HACE1: variants seen among roughly 807,000 people sequenced by gnomAD.
HACE1 encodes the protein E3 ubiquitin-protein ligase HACE1.
HACE1 carries 73 observed loss-of-function variants against 118.4 expected under a neutral mutation model. The observed-to-expected ratio is 0.62, with a 90% CI of 0.51 to 0.75. The LOEUF (loss-of-function observed/expected upper bound fraction) is 0.75. Among genes scored for constraint, HACE1 ranks in the 30% least tolerant of loss-of-function variants. HACE1 has a pLI of 0.00. For missense variants in HACE1, 749 were observed against 1,102.2 expected (o/e 0.68, Z 4.54); for synonymous variants, 368 against 374.8 (o/e 0.98, Z 0.21).
chr6:104,783,250 C>T (rs1781934438), intron 14 of HACE1, among the ~76,000 whole-genome samples: 1 of 152,112 alleles, frequency 6.6e-6, no homozygotes, highest in Admixed American at 6.6e-5. Context: ...CTGAAATTTC[C>T]CCTGACTACA....
intron 7 of HACE1, among the ~76,000 whole-genome samples, chr6:104,797,872 C>T (rs987117240): frequency 7.9e-5 from 12 of 151,890 alleles, no homozygotes; most frequent in Admixed American, 2.0e-4. Flanking sequence ...AGTTCCAGAC[C>T]AGCCTGGCCA....
intron 20 of HACE1, among the ~76,000 whole-genome samples, chr6:104,746,466 G>C (rs1777433387): frequency 6.6e-6 from 1 of 152,304 alleles, no homozygotes; most frequent in Admixed American, 6.5e-5. Flanking sequence ...GGGAAACATA[G>C]GCAGTTAGTC....
chr6:104,758,441 G>T (rs1778961236), intron 19 of HACE1, among the ~76,000 whole-genome samples: 2 of 152,114 alleles, frequency 1.3e-5, no homozygotes, highest in African/African-American at 4.8e-5. Flanking sequence ...TTCATATCCA[G>T]CCAAACTAAG....
At chr6:104,794,286 A>C (rs6571207) in intron 10 of HACE1, among the ~76,000 whole-genome samples, 85,890 of 152,034 alleles carry the variant, frequency 0.56, 25,915 homozygotes, top group African/African-American at 0.8. Flanking sequence ...TAAATGCTTT[A>C]TAATTACTGT....
chr6:104,792,960 G>C (rs55659239), intron 10 of HACE1, among the ~76,000 whole-genome samples: 5,134 of 152,070 alleles, frequency 0.034, 270 homozygotes, highest in African/African-American at 0.12. Flanking sequence ...CTTCTTCCCC[G>C]GCCCCTTCCT....
At chr6:104,832,050 A>C (rs1398693587) in intron 6 of HACE1, among the ~76,000 whole-genome samples, 1 of 151,550 alleles carries the variant, frequency 6.6e-6, no homozygotes, top group Non-Finnish European at 1.5e-5. Context: ...AAGAAAAAGA[A>C]AGAAAAGAAA....
chr6:104,787,674 C>T (rs187857654), intron 11 of HACE1, among the ~76,000 whole-genome samples: 16 of 152,274 alleles, frequency 1.1e-4, no homozygotes, highest in Non-Finnish European at 1.6e-4. Flanking sequence ...AGAAATGACA[C>T]AGGCTGATCA....
At chr6:104,856,231 T>A (rs1460165784) in intron 1 of HACE1, among the ~76,000 whole-genome samples, 1 of 152,092 alleles carries the variant, frequency 6.6e-6, no homozygotes, top group Admixed American at 6.5e-5. Context: ...AAAACCCAAC[T>A]GTTAACAAAA....
At chr6:104,817,958 G>T (rs1772292657) in intron 6 of HACE1, among the ~76,000 whole-genome samples, 2 of 152,278 alleles carry the variant, frequency 1.3e-5, no homozygotes, top group South Asian at 4.1e-4. Flanking sequence ...TAAAGGAAAA[G>T]TTTAGAAAGT....
intron 2 of HACE1, 121 bp downstream of exon 2, chr6:104,852,196 T>C (rs1316740135): frequency 3.7e-6 from 2 of 544,696 alleles, no homozygotes; most frequent in Non-Finnish European, 6.7e-6. Context: ...ATGTCCAAAC[T>C]GTCTGTGTGT....
chr6:104,822,660 C>T (rs968329393), intron 6 of HACE1, among the ~76,000 whole-genome samples: 3 of 151,866 alleles, frequency 2.0e-5, no homozygotes, highest in African/African-American at 7.3e-5. Context: ...AGTTCAAGAC[C>T]AGCCTGGCCA....
chr6:104,731,741 T>C (rs1775221572), intron 22 of HACE1: 1 of 151,992 alleles, frequency 6.6e-6, no homozygotes, highest in Admixed American at 6.6e-5. Context: ...AAGACCTAAA[T>C]CTAAGAGCTA....
chr6:104,793,448 C>T (rs139624197), intron 10 of HACE1, among the ~76,000 whole-genome samples: 413 of 152,060 alleles, frequency 2.7e-3, no homozygotes, highest in Non-Finnish European at 4.0e-3. Flanking sequence ...ATAGAAAGGA[C>T]GATAAAATTT....
In HACE1 at chr6:104,728,530, CAAT is replaced by C. The variant is rs558525850; in HGVS notation, c.*1129_*1131del. 6 of 152,190 alleles carry C rather than the reference CAAT, an allele frequency of 3.9e-5. No homozygotes were observed. The highest frequency in any genetic ancestry group is 5.9e-5 in the Non-Finnish European group (4 of 68,022). The allele number at this position is 152,190 out of a possible 1,614,324, so 9.4% of individuals were successfully genotyped here. ...GTCTCTCAAACATTACTGGCAAACA[CAAT>C]GACTGCTTATGAGAAAATCTGCATA... On this transcript the variant is annotated 3_prime_UTR_variant, in exon 24 of 24. Coordinates refer to ENST00000262903, the MANE Select transcript of HACE1 (RefSeq NM_020771.4).
At chr6:104,761,656 A>G (rs1428176186) in intron 19 of HACE1, among the ~76,000 whole-genome samples, 2 of 152,236 alleles carry the variant, frequency 1.3e-5, no homozygotes, top group Admixed American at 1.3e-4. Flanking sequence ...TTCATGTCTA[A>G]AACACCAAAA....
Position 104,859,687 on chromosome 6 carries a change from G to A in HACE1, c.-45C>T. The A allele has an allele frequency of 6.7e-7, 1 of 1,495,504 alleles. No individual in the cohort carries two copies. Among genetic ancestry groups the A allele is most frequent in the Non-Finnish European group, 9.0e-7 (1 of 1,114,690 alleles). 92.6% of individuals were successfully genotyped at this position (1,495,504 alleles called of 1,614,324 possible). Reference sequence around the variant, plus strand: ...ATCCTCCGCGATCAGCCGCCCCACCGGCGGCCTCCGCGCCCAGAGCCCTAC... The same window carrying A: ...ATCCTCCGCGATCAGCCGCCCCACCAGCGGCCTCCGCGCCCAGAGCCCTAC... On this transcript the variant is annotated 5_prime_UTR_variant, in exon 1 of 24. Transcript: ENST00000262903.
At chr6:104,776,868 G>T (rs987764963) in intron 16 of HACE1, 40 bp from the exon 17 acceptor site, 1 of 1,451,358 alleles carries the variant, frequency 6.9e-7, no homozygotes, top group South Asian at 1.1e-5. Context: ...ACAGAAATAT[G>T]TTATATTGGG....
At chr6:104,846,390 A>G (rs1168117472) in intron 4 of HACE1, among the ~76,000 whole-genome samples, 1 of 152,216 alleles carries the variant, frequency 6.6e-6, no homozygotes, top group African/African-American at 2.4e-5. Context: ...TCCTTTTAAC[A>G]TTCTCATATA....
intron 19 of HACE1, among the ~76,000 whole-genome samples, chr6:104,760,563 T>G (rs1779233953): frequency 6.6e-6 from 1 of 152,134 alleles, no homozygotes; most frequent in Non-Finnish European, 1.5e-5. Flanking sequence ...TAAGAGCTAT[T>G]TATGACAAAC....
Sources: gnomAD v4.1 joint callset for allele counts (sites outside exome capture counted in the v4.1 genomes callset) on GRCh38, gnomAD v4.1.1 for gene constraint, MANE v1.5 for transcripts, NCBI Gene and HGNC (gene_info 2026-07-23, HGNC 2026-07-21) for gene names.